The following DNAH14 variants were observed in gnomAD, a reference collection of about 807,000 sequenced individuals.
DNAH14 encodes axonemal beta dynein heavy chain 14.
In DNAH14, 478 loss-of-function variants were observed where a neutral mutation model predicts 520.9. The ratio of observed to expected loss-of-function variants is 0.92; its 90% CI spans 0.85 to 0.99. The LOEUF is 0.99. Ranked by LOEUF, DNAH14 falls within the 50% of genes least tolerant of loss-of-function variation. DNAH14 has a pLI of 0.00. For synonymous variants in DNAH14, 1,581 were observed against 1,757.2 expected (o/e 0.90, Z 2.51); for missense variants, 4,831 against 5,234.5 (o/e 0.92, Z 2.38).
intron 10 of DNAH14, among the ~76,000 whole-genome samples, chr1:225,018,029 A>G (rs1184548205): frequency 6.6e-6 from 1 of 152,168 alleles, no homozygotes; most frequent in African/African-American, 2.4e-5. Context: ...CCTCCAAATA[A>G]TCACACTAGC....
At chr1:225,203,295 C>A (rs773574291) in intron 38 of DNAH14, among the ~76,000 whole-genome samples, 2 of 152,134 alleles carry the variant, frequency 1.3e-5, no homozygotes, top group Non-Finnish European at 2.9e-5. Flanking sequence ...GATGTATATC[C>A]AAGCATAATA....
intron 4 of DNAH14, among the ~76,000 whole-genome samples, chr1:224,962,184 G>A (rs2060888059): frequency 6.6e-6 from 1 of 152,078 alleles, no homozygotes; most frequent in Non-Finnish European, 1.5e-5. Context: ...TGGTGTACAT[G>A]CTTTGTATAA....
chr1:225,133,703 ATT>A (rs974550967), intron 27 of DNAH14, among the ~76,000 whole-genome samples: 1 of 152,120 alleles, frequency 6.6e-6, no homozygotes, highest in Non-Finnish European at 1.5e-5. Context: ...TGACTTGGCT[ATT>A]TGGGCTCTTT....
intron 66 of DNAH14, among the ~76,000 whole-genome samples, chr1:225,335,653 G>A (rs28972602): frequency 0.5 from 30,417 of 61,162 alleles, 10,370 homozygotes; most frequent in African/African-American, 0.71. Flanking sequence ...ATGTATATAC[G>A]CATATATACA....
Position 225,318,612 on chromosome 1 carries a change from G to A in DNAH14, c.9270G>A (p.Leu3090=), listed in dbSNP as rs1349689396. 2 of 1,547,998 alleles carry A rather than the reference G, an allele frequency of 1.3e-6. No homozygotes were observed. Among genetic ancestry groups the A allele is most frequent in the Non-Finnish European group, 1.7e-6 (2 of 1,145,218 alleles). The change falls in exon 61 of 86, where the codon CTG becomes CTA. Residue 3090 remains leucine, a synonymous_variant. Coordinates refer to ENST00000682510, the MANE Select transcript of DNAH14 (RefSeq NM_001367479.1). ...CTGCCAATGAACTAAAAAGTGTGCTGCCAGCCTTTGACAAGGCAATTGTGG... is the reference window on the plus strand; with the variant it reads ...CTGCCAATGAACTAAAAAGTGTGCTACCAGCCTTTGACAAGGCAATTGTGG... ...QKTANELKSV[L]PAFDKAIVAL... is the part of the protein sequence containing the mutation.
chr1:225,182,880 G>A (rs759318681), intron 36 of DNAH14, among the ~76,000 whole-genome samples: 2 of 152,176 alleles, frequency 1.3e-5, no homozygotes, highest in Non-Finnish European at 2.9e-5. Flanking sequence ...GTGGGCTCAG[G>A]TCCCAAATAA....
intron 66 of DNAH14, among the ~76,000 whole-genome samples, chr1:225,334,355 G>A (rs2094866674): frequency 6.6e-6 from 1 of 152,170 alleles, no homozygotes. Context: ...TGAGCATGAT[G>A]CTACATGCCT....
rs372852253 is a variant in DNAH14, at chr1:225,147,087, CT to C, written c.4795-6del. 20,192 of 1,091,170 alleles carry C rather than the reference CT, an allele frequency of 0.019. No homozygotes were observed. Among genetic ancestry groups the C allele is most frequent in the South Asian group, 0.03 (1,646 of 54,938 alleles). 67.6% of individuals were successfully genotyped at this position (1,091,170 alleles called of 1,614,324 possible). On this transcript the variant is annotated splice_polypyrimidine_tract_variant and intron_variant, in intron 30 of 85. Coordinates refer to ENST00000682510, the MANE Select transcript of DNAH14 (RefSeq NM_001367479.1). Reference sequence around the variant, plus strand: ...TTATAATAATTTTAGTAATCAATCTCTTTTTTTTTTTAAAAGATAGTGAGAA... The same window carrying C: ...TTATAATAATTTTAGTAATCAATCTCTTTTTTTTTTAAAAGATAGTGAGAA...
Position 225,281,260 on chromosome 1 carries a change from T to C in DNAH14, c.8271+3758T>C, listed in dbSNP as rs543990874. 7.1e-4 allele frequency among the ~76,000 whole-genome samples: 108 copies of C among 152,318 alleles called. 1 individual carries two copies. Among genetic ancestry groups the C allele is most frequent in the African/African-American group, 2.5e-3 (105 of 41,566 alleles). On this transcript the variant is annotated intron_variant, in intron 54 of 85. Transcript: ENST00000682510. The stretch of plus-strand genomic sequence containing the variant: ...CTTTTACTAGCTTCTAGAGTCTTTC[T>C]GGATCCCTTGGCTCATAACTGCCTT...
At chr1:225,278,441 C>T (rs6666263) in intron 54 of DNAH14, among the ~76,000 whole-genome samples, 7,394 of 152,176 alleles carry the variant, frequency 0.049, 587 homozygotes, top group African/African-American at 0.17. Flanking sequence ...CTATTTAAGC[C>T]ACTGTTATCA....
At chr1:225,023,008 A>G (rs953407414) in intron 10 of DNAH14, among the ~76,000 whole-genome samples, 1 of 152,164 alleles carries the variant, frequency 6.6e-6, no homozygotes, top group African/African-American at 2.4e-5. Context: ...CAAATACCAC[A>G]TATCTTCACA....
In DNAH14 at chr1:225,273,119, T is replaced by C; in HGVS notation, c.8004T>C (p.Cys2668=). Residue 2668 remains cysteine, a synonymous_variant, in exon 52 of 86, where the codon TGT becomes TGC. Coordinates refer to ENST00000682510, the MANE Select transcript of DNAH14 (RefSeq NM_001367479.1). ...YRLLSRELEN[C]FQIQWTQENL... is the part of the protein sequence containing the mutation. ...TGCTTTCAAGGGAACTTGAGAACTG[T>C]TTTCAGGTAAATTTATATTTTAAAA... 1.3e-6 allele frequency: 2 copies of C among 1,547,632 alleles called. No individual in the cohort carries two copies. Among genetic ancestry groups the C allele is most frequent in the Non-Finnish European group, 1.7e-6 (2 of 1,146,026 alleles).
intron 1 of DNAH14, among the ~76,000 whole-genome samples, chr1:224,937,070 A>C (rs1388466781): frequency 6.6e-6 from 1 of 152,038 alleles, no homozygotes; most frequent in Non-Finnish European, 1.5e-5. Flanking sequence ...ACATACCACA[A>C]AATAATAAAG....
intron 60 of DNAH14, among the ~76,000 whole-genome samples, chr1:225,316,200 C>T (rs182602312): frequency 7.2e-5 from 11 of 152,294 alleles, no homozygotes; most frequent in Admixed American, 5.9e-4. Flanking sequence ...ATGCCCCTCC[C>T]CCGACCAAGC....
intron 60 of DNAH14, among the ~76,000 whole-genome samples, chr1:225,310,161 G>C (rs1396014558): frequency 6.6e-6 from 1 of 151,742 alleles, no homozygotes; most frequent in African/African-American, 2.4e-5. Flanking sequence ...GTTTGTTTTT[G>C]CTTTTTGTTT....
rs1364447915 is a variant in DNAH14, at chr1:225,275,947, T to G, written c.8044T>G (p.Ser2682Ala). The part of the protein sequence containing the change: ...QWTQENLMNH[S>A]TVFLDFLDIN... Reference sequence around the variant, plus strand: ...GACCCAAGAAAACCTGATGAATCACTCAACTGTATTTTTGGACTTCTTGGA... The same window carrying G: ...GACCCAAGAAAACCTGATGAATCACGCAACTGTATTTTTGGACTTCTTGGA... Residue 2682 changes from serine to alanine, a missense_variant, in exon 53 of 86, where the codon TCA becomes GCA. Coordinates refer to ENST00000682510, the MANE Select transcript of DNAH14 (RefSeq NM_001367479.1). The G allele has an allele frequency of 3.1e-5, 12 of 383,492 alleles. No homozygotes were observed. Among genetic ancestry groups the G allele is most frequent in the South Asian group, 2.4e-4 (11 of 46,656 alleles). 23.8% of individuals were successfully genotyped at this position (383,492 alleles called of 1,614,324 possible).
chr1:225,374,182 T>TATATATATATATATATATATACAC (rs1263904206), intron 77 of DNAH14, among the ~76,000 whole-genome samples: 1 of 97,128 alleles, frequency 1.0e-5, no homozygotes, highest in African/African-American at 3.5e-5. Context: ...TATATATATA[T>TATATATATATATATATATATACAC]ACTATTCTAG....
intron 4 of DNAH14, among the ~76,000 whole-genome samples, chr1:224,963,508 C>T (rs74946144): frequency 0.042 from 6,359 of 152,074 alleles, 217 homozygotes; most frequent in Non-Finnish European, 0.061. Context: ...ATTGAATAAT[C>T]GCTCTGTTGA....
intron 44 of DNAH14, among the ~76,000 whole-genome samples, chr1:225,256,361 G>A (rs975413909): frequency 6.6e-6 from 1 of 152,166 alleles, no homozygotes; most frequent in African/African-American, 2.4e-5. Context: ...TAGAAAACCG[G>A]AAGTAAACAT....
Sources: allele counts gnomAD v4.1 joint callset (sites outside exome capture counted in the v4.1 genomes callset), GRCh38; gene constraint gnomAD v4.1.1; transcripts MANE v1.5; gene names NCBI Gene and HGNC (gene_info 2026-07-23, HGNC 2026-07-21).